Variants in ACOX3 observed in about 807,000 individuals in gnomAD.
The protein encoded by ACOX3 is acyl-CoA oxidase 3, pristanoyl.
A neutral mutation model predicts 81.5 loss-of-function variants in ACOX3; 73 were observed. The ratio of observed to expected loss-of-function variants is 0.90; its 90% CI spans 0.74 to 1.09. The LOEUF (loss-of-function observed/expected upper bound fraction) is 1.09. ACOX3 is among the 50% of genes least tolerant of loss of function. The pLI is 0.00. For missense variants in ACOX3, 947 were observed against 928.0 expected, an observed-to-expected ratio of 1.02 and a Z score of -0.27; for synonymous variants, 387 against 375.1, an observed-to-expected ratio of 1.03 and a Z score of -0.37.
intron 1 of ACOX3, among the ~76,000 whole-genome samples, chr4:8,420,409 C>T (rs7440394): frequency 6.6e-6 from 1 of 152,196 alleles, no homozygotes; most frequent in South Asian, 2.1e-4. Context: ...CTAAGAATTC[C>T]TAAGCCTAGC....
At chr4:8,392,031 T>C (rs1719049756) in intron 11 of ACOX3, among the ~76,000 whole-genome samples, 1 of 152,230 alleles carries the variant, frequency 6.6e-6, no homozygotes, top group African/African-American at 2.4e-5. Context: ...GTGGGATCTA[T>C]CTAGGGCAGG....
At chr4:8,387,089 C>T (rs923376621) in intron 13 of ACOX3, among the ~76,000 whole-genome samples, 4 of 152,262 alleles carry the variant, frequency 2.6e-5, no homozygotes, top group Non-Finnish European at 4.4e-5. Context: ...TCCAAGTCCC[C>T]GCTCTATCTG....
At chr4:8,365,634 CCA>C (rs200996249), downstream of ACOX3, among the ~76,000 whole-genome samples, 1,170 of 152,244 alleles carry the variant, frequency 7.7e-3, 16 homozygotes, top group African/African-American at 0.027. Context: ...GCTGAGCGTC[CCA>C]CGAGATGATG....
intron 7 of ACOX3, among the ~76,000 whole-genome samples, chr4:8,403,505 C>T (rs1720589035): frequency 6.6e-6 from 1 of 152,224 alleles, no homozygotes; most frequent in Non-Finnish European, 1.5e-5. Flanking sequence ...ACGAATCCCA[C>T]TGCATCCCTG....
At chr4:8,360,628 C>T in the ACOX3 span, among the ~76,000 whole-genome samples, 38 of 152,164 alleles carry the variant, frequency 2.5e-4, no homozygotes, top group South Asian at 2.5e-3. Flanking sequence ...CCCGCCACCA[C>T]GCCTGGCTAA....
At chr4:8,362,193 C>G (rs1446436192), downstream of ACOX3, among the ~76,000 whole-genome samples, 7 of 152,146 alleles carry the variant, frequency 4.6e-5, no homozygotes, top group Admixed American at 4.6e-4. Flanking sequence ...GGAGGAAAAA[C>G]TTTCAGAACT....
chr4:8,380,584 G>C (rs1261596096), intron 14 of ACOX3, among the ~76,000 whole-genome samples: 1 of 152,180 alleles, frequency 6.6e-6, no homozygotes, highest in Non-Finnish European at 1.5e-5. Flanking sequence ...TAGAGGAGCT[G>C]GCCTGAGGGG....
rs62286052 is a variant in ACOX3 at position 8,423,409 on chromosome 4, C to T, written c.-14-6874G>A. Among the ~76,000 whole-genome samples the T allele has an allele frequency of 0.027, 4,128 of 152,158 alleles. 69 individuals are homozygous for T. Among genetic ancestry groups the T allele is most frequent in the South Asian group, 0.042 (202 of 4,818 alleles). On this transcript the variant is annotated intron_variant, in intron 1 of 17. Transcript: ENST00000356406. This position sits in a 1 kb window ranked among gnomAD's most constrained non-coding sequence, Gnocchi z 4.2. ...ACAATATGGATGAGGGAAGAATGCC[C>T]GTCCCGTTCAAGTTAAACTAAAGGA...
intron 9 of ACOX3, 46 bp downstream of exon 9, chr4:8,396,891 C>A (rs759711831): frequency 6.3e-7 from 1 of 1,580,096 alleles, no homozygotes; most frequent in East Asian, 2.3e-5. Flanking sequence ...AGTGAATTTG[C>A]ATATAAAATA....
rs916752938 is a variant in ACOX3, at chr4:8,411,676, T to G, written c.544-1321A>C. On this transcript the variant is annotated intron_variant, in intron 5 of 17. Transcript: ENST00000356406. ...CACAGATCTTTCCCACTGTCTCGACTGTCTGGCTGCCTCCCTGCGCCCCGG... is the reference window on the plus strand; with the variant it reads ...CACAGATCTTTCCCACTGTCTCGACGGTCTGGCTGCCTCCCTGCGCCCCGG... Among the ~76,000 whole-genome samples the G allele has an allele frequency of 9.9e-5, 15 of 152,240 alleles. 1 individual carries two copies. The highest frequency in any genetic ancestry group is 2.9e-5 in the Non-Finnish European group (2 of 68,040).
chr4:8,377,171 C>G (rs1211839767), intron 14 of ACOX3, among the ~76,000 whole-genome samples: 1 of 152,194 alleles, frequency 6.6e-6, no homozygotes, highest in Non-Finnish European at 1.5e-5. Flanking sequence ...GGGTCCTCTG[C>G]GAACCCAGAG....
At chr4:8,434,196 G>A (rs1038162924) in intron 1 of ACOX3, among the ~76,000 whole-genome samples, 3 of 152,170 alleles carry the variant, frequency 2.0e-5, no homozygotes, top group Non-Finnish European at 4.4e-5. Context: ...TCCCACACTT[G>A]CTCGATTTAT....
intron 11 of ACOX3, among the ~76,000 whole-genome samples, chr4:8,391,039 GTATA>G (rs1560179470): frequency 2.3e-5 from 2 of 86,698 alleles, no homozygotes; most frequent in African/African-American, 1.2e-4. Context: ...ATGTGTATAT[GTATA>G]TGTATATGTA....
At chr4:8,418,323 G>A (rs1266930832) in intron 1 of ACOX3, among the ~76,000 whole-genome samples, 1 of 152,092 alleles carries the variant, frequency 6.6e-6, no homozygotes, top group Non-Finnish European at 1.5e-5. Context: ...GCCAGGCATG[G>A]TGGCACATGG....
chr4:8,415,877 G>C lies in ACOX3; in HGVS notation c.267C>G (p.Asp89Glu), dbSNP rs564646521. Residue 89 changes from aspartate to glutamate, a missense_variant, in exon 3 of 18, where the codon GAC becomes GAG. Physicochemically the swap from Asp to Glu is conservative, Grantham distance 45. Coordinates refer to ENST00000356406, the MANE Select transcript of ACOX3 (RefSeq NM_003501.3). ...TGAACATGTCTTCGACACTGAGGAA[G>C]TCATACTCGAAGATCCGCTTGCATC... ...FLRCKRIFEY[D>E]FLSVEDMFKS... The C allele has an allele frequency of 6.2e-7, 1 of 1,614,100 alleles. No individual in the cohort carries two copies. The highest frequency in any genetic ancestry group is 8.5e-7 in the Non-Finnish European group (1 of 1,180,052).
At chr4:8,355,496 T>C in the ACOX3 span, 1 of 152,220 alleles carries the variant, frequency 6.6e-6, no homozygotes, top group African/African-American at 2.4e-5. Flanking sequence ...GATGATTCAG[T>C]GGGCAAAGCA....
rs1018537437 is a variant in ACOX3, at chr4:8,399,289, C to A, written c.873+267G>T. On this transcript the variant is annotated intron_variant, in intron 8 of 17. Coordinates refer to ENST00000356406, the MANE Select transcript of ACOX3 (RefSeq NM_003501.3). The surrounding 1 kb of genome is among the most constrained non-coding windows in gnomAD (Gnocchi z 4.9). ...TCAGGGAAGCATCACTGGAAGCGAG[C>A]AGTCCTCTAATCGCAGCCCCCGATG... Among the ~76,000 whole-genome samples, 1 of 152,224 alleles carries A rather than the reference C, an allele frequency of 6.6e-6. No individual in the cohort carries two copies. Among genetic ancestry groups the A allele is most frequent in the Non-Finnish European group, 1.5e-5 (1 of 68,046 alleles).
Position 8,389,238 on chromosome 4 carries a change from G to A in ACOX3, c.1472C>T (p.Ala491Val), listed in dbSNP as rs142001570. The A allele has an allele frequency of 8.9e-4, 1,436 of 1,613,934 alleles. 14 individuals are homozygous for A. Among genetic ancestry groups the A allele is most frequent in the Non-Finnish European group, 1.5e-4 (174 of 1,179,972 alleles). ...CTTCTGGTCAAGGATGCCGGGATAG[G>A]CGTCCAGAAAGTCCACTGACTTCAG... is the stretch of plus-strand genomic sequence containing the variant. ...SPLKSVDFLD[A>V]YPGILDQKFE... The change falls in exon 13 of 18, where the codon GCC becomes GTC. Residue 491 changes from alanine to valine, a missense_variant. By Grantham distance (64) the Ala-to-Val change is moderately conservative (BLOSUM62 0). Coordinates refer to ENST00000356406, the MANE Select transcript of ACOX3 (RefSeq NM_003501.3). The surrounding 1 kb of genome is among the most constrained non-coding windows in gnomAD (Gnocchi z 5.3).
intron 11 of ACOX3, among the ~76,000 whole-genome samples, chr4:8,391,108 C>T (rs79765251): frequency 0.056 from 8,436 of 150,708 alleles, 390 homozygotes; most frequent in African/African-American, 0.13. Context: ...TTGTTGTCTG[C>T]AGTACTGCAA....
Sources: gnomAD v4.1 joint callset for allele counts (sites outside exome capture counted in the v4.1 genomes callset) on GRCh38, gnomAD v4.1.1 for gene constraint, Gnocchi (gnomAD v3.1) non-coding constraint, MANE v1.5 for transcripts, NCBI Gene and HGNC (gene_info 2026-07-23, HGNC 2026-07-21) for gene names.